The following NAALADL2 variants were observed in gnomAD, a reference collection of about 807,000 sequenced individuals.
The protein encoded by NAALADL2 is inactive N-acetylated-alpha-linked acidic dipeptidase-like protein 2.
A neutral mutation model predicts 87.2 loss-of-function variants in NAALADL2; 76 were observed. The ratio of observed to expected loss-of-function variants is 0.87; its 90% CI spans 0.72 to 1.05. The LOEUF is 1.05. Among genes scored for constraint, NAALADL2 ranks in the 50% least tolerant of loss-of-function variants. The pLI is 0.00. For missense variants in NAALADL2, 1,089 were observed against 945.8 expected, an observed-to-expected ratio of 1.15 and a Z score of -1.99; for synonymous variants, 354 against 331.0, an observed-to-expected ratio of 1.07 and a Z score of -0.75.
intron 2 of NAALADL2, among the ~76,000 whole-genome samples, chr3:174,653,319 T>G (rs1446554077): frequency 6.6e-6 from 1 of 152,190 alleles, no homozygotes; most frequent in Non-Finnish European, 1.5e-5. Flanking sequence ...TACAATAGAA[T>G]GCTATAAGTA....
At chr3:174,713,861 A>T (rs1470963823) in intron 2 of NAALADL2, among the ~76,000 whole-genome samples, 2 of 152,026 alleles carry the variant, frequency 1.3e-5, no homozygotes, top group Non-Finnish European at 2.9e-5. Context: ...TGTTTTAGAC[A>T]TGAAGTCCTT....
At chr3:175,193,621 C>G (rs571140237) in intron 2 of NAALADL2, among the ~76,000 whole-genome samples, 3 of 151,972 alleles carry the variant, frequency 2.0e-5, no homozygotes, top group African/African-American at 7.2e-5. Flanking sequence ...ACCCCTCTAC[C>G]TGTTTCAAAT....
intron 2 of NAALADL2, among the ~76,000 whole-genome samples, chr3:175,185,099 A>C (rs935965119): frequency 6.6e-5 from 10 of 152,092 alleles, no homozygotes; most frequent in Non-Finnish European, 1.3e-4. Context: ...ATTGCCTGTG[A>C]CATGCTATGC....
intron 11 of NAALADL2, among the ~76,000 whole-genome samples, chr3:175,716,177 A>ATATATAATATATG (rs1308018835): frequency 1.4e-3 from 209 of 146,556 alleles, no homozygotes; most frequent in African/African-American, 4.9e-3. Context: ...ATTGGAATAC[A>ATATATAATATATG]TATATAATAT....
At chr3:174,873,199 G>GTC (rs3884084) in intron 1 of NAALADL2, among the ~76,000 whole-genome samples, 20,339 of 148,482 alleles carry the variant, frequency 0.14, 1,473 homozygotes, top group African/African-American at 0.17. Flanking sequence ...CTCTCTGTCT[G>GTC]TCTCTCTCTC....
rs117879992 is a variant in NAALADL2, at chr3:174,525,366, C to T, written c.-183-25203C>T. ...AGCATGATGCTGAATCTACTTCTGG[C>T]GAGGCCTCAGGGAGCTTACAATCAT... On this transcript the variant is annotated intron_variant, in intron 1 of 3. Transcript: ENST00000434257. Among the ~76,000 whole-genome samples, 40 of 152,256 alleles carry T rather than the reference C, an allele frequency of 2.6e-4. No individual in the cohort carries two copies. The East Asian group carries it at 2.9e-3, about 11-fold the overall frequency.
At chr3:174,627,639 G>A (rs892293645) in intron 2 of NAALADL2, among the ~76,000 whole-genome samples, 5 of 152,178 alleles carry the variant, frequency 3.3e-5, no homozygotes, top group Non-Finnish European at 7.3e-5. Flanking sequence ...ACCTGCACGT[G>A]TATGTTTTTT....
chr3:175,748,166 T>C (rs1746166832), intron 12 of NAALADL2, among the ~76,000 whole-genome samples: 1 of 152,236 alleles, frequency 6.6e-6, no homozygotes, highest in Non-Finnish European at 1.5e-5. Flanking sequence ...CATTATCAAA[T>C]CAATGTTAGA....
chr3:175,630,171 C>A (rs1038684308), intron 11 of NAALADL2, among the ~76,000 whole-genome samples: 3 of 151,666 alleles, frequency 2.0e-5, no homozygotes, highest in African/African-American at 7.3e-5. Flanking sequence ...AATAGCAGAA[C>A]TGAGAAACCA....
At chr3:175,495,459 T>G (rs1396778446) in intron 9 of NAALADL2, among the ~76,000 whole-genome samples, 1 of 152,132 alleles carries the variant, frequency 6.6e-6, no homozygotes, top group Non-Finnish European at 1.5e-5. Flanking sequence ...TCTTCATGTT[T>G]AGACTTTCAA....
At chr3:175,111,580 A>G (rs531605648) in intron 2 of NAALADL2, among the ~76,000 whole-genome samples, 34 of 151,848 alleles carry the variant, frequency 2.2e-4, no homozygotes, top group African/African-American at 7.5e-4. Flanking sequence ...GGAAAATAAA[A>G]GAAACAAAAT....
intron 4 of NAALADL2, among the ~76,000 whole-genome samples, chr3:175,320,286 G>A (rs747718298): frequency 7.9e-5 from 12 of 152,170 alleles, no homozygotes; most frequent in Non-Finnish European, 1.6e-4. Flanking sequence ...ATATTGTCAA[G>A]TTCTTCTGTT....
intron 2 of NAALADL2, among the ~76,000 whole-genome samples, chr3:175,215,861 A>G (rs543508385): frequency 6.6e-6 from 1 of 152,284 alleles, no homozygotes; most frequent in South Asian, 2.1e-4. Context: ...GACTGAATGG[A>G]TGGGTCTAGT....
At chr3:174,866,611 G>A (rs1368707640) in intron 1 of NAALADL2, among the ~76,000 whole-genome samples, 1 of 151,602 alleles carries the variant, frequency 6.6e-6, no homozygotes, top group East Asian at 1.9e-4. Context: ...TTTTATATAG[G>A]TGTTTTGCAT....
chr3:175,439,813 A>G (rs1397825076), intron 5 of NAALADL2, among the ~76,000 whole-genome samples: 1 of 150,604 alleles, frequency 6.6e-6, no homozygotes, highest in African/African-American at 2.4e-5. Context: ...TAGATTGCAA[A>G]GATTTTCTCC....
intron 11 of NAALADL2, among the ~76,000 whole-genome samples, chr3:175,633,089 A>G (rs932311802): frequency 3.3e-5 from 5 of 152,232 alleles, no homozygotes; most frequent in Non-Finnish European, 7.4e-5. Flanking sequence ...GACCCAGGAT[A>G]GAGCGGTTCA....
intron 5 of NAALADL2, among the ~76,000 whole-genome samples, chr3:175,441,277 A>C (rs1719706640): frequency 6.6e-6 from 1 of 152,176 alleles, no homozygotes; most frequent in Non-Finnish European, 1.5e-5. Flanking sequence ...GAATTAAATG[A>C]TATGTAGGCA....
intron 5 of NAALADL2, among the ~76,000 whole-genome samples, chr3:175,381,234 C>A (rs1372443117): frequency 6.6e-6 from 1 of 151,346 alleles, no homozygotes; most frequent in Non-Finnish European, 1.5e-5. Context: ...TTATTAAATT[C>A]AAAAACATTA....
intron 5 of NAALADL2, among the ~76,000 whole-genome samples, chr3:175,369,870 T>TAAAAAAAG (rs1453761122): frequency 6.6e-6 from 1 of 152,194 alleles, no homozygotes; most frequent in Non-Finnish European, 1.5e-5. Context: ...TCCATCTCCA[T>TAAAAAAAG]AAAATTCTTT....
Sources: allele counts gnomAD v4.1 joint callset (sites outside exome capture counted in the v4.1 genomes callset), GRCh38; gene constraint gnomAD v4.1.1; transcripts MANE v1.5; gene names NCBI Gene and HGNC (gene_info 2026-07-23, HGNC 2026-07-21).